SYNE1: variants seen among roughly 807,000 people sequenced by gnomAD.
SYNE1 encodes the protein spectrin repeat containing nuclear envelope protein 1, also known as nesprin-1.
Under a neutral mutation model 1,111.0 loss-of-function variants are expected in SYNE1, and 616 were observed. The ratio of observed to expected loss-of-function variants is 0.55; its 90% CI spans 0.52 to 0.59. SYNE1 has a LOEUF of 0.59. Ranked by LOEUF, SYNE1 falls within the 20% of genes least tolerant of loss-of-function variation. SYNE1 has a pLI of 0.00. For synonymous variants in SYNE1, 3,855 were observed against 3,825.8 expected (o/e 1.01, Z -0.28); for missense variants, 10,006 against 10,417.0 (o/e 0.96, Z 1.72).
intron 124 of SYNE1, among the ~76,000 whole-genome samples, chr6:152,209,037 G>A (rs1393012343): frequency 6.6e-6 from 1 of 152,118 alleles, no homozygotes; most frequent in Non-Finnish European, 1.5e-5. Context: ...TCTAGAACTG[G>A]CTAGTAAGAG....
chr6:152,510,657 C>T (rs1305001952), intron 7 of SYNE1, among the ~76,000 whole-genome samples: 5 of 152,150 alleles, frequency 3.3e-5, no homozygotes, highest in South Asian at 2.1e-4. Flanking sequence ...ATGGCAAGTT[C>T]ATTCCTCCCC....
intron 9 of SYNE1, among the ~76,000 whole-genome samples, chr6:152,504,890 T>C (rs2099049424): frequency 6.6e-6 from 1 of 152,202 alleles, no homozygotes; most frequent in African/African-American, 2.4e-5. Context: ...AATTATATTA[T>C]CCTGTCACCT....
intron 9 of SYNE1, among the ~76,000 whole-genome samples, chr6:152,503,229 C>T (rs1272214664): frequency 3.3e-5 from 5 of 152,118 alleles, no homozygotes; most frequent in African/African-American, 1.2e-4. Context: ...GACAAGCCCC[C>T]TCTCTGCCCC....
chr6:152,509,664 G>A (rs568683373), intron 8 of SYNE1, among the ~76,000 whole-genome samples: 2 of 151,920 alleles, frequency 1.3e-5, no homozygotes, highest in Non-Finnish European at 2.9e-5. Flanking sequence ...AGCTCACAAA[G>A]CTAGAGTTGA....
At chr6:152,456,100 A>G (rs1437437668) in intron 22 of SYNE1, 56 bp from the exon 23 acceptor site, 2 of 1,575,298 alleles carry the variant, frequency 1.3e-6, no homozygotes, top group Admixed American at 1.7e-5. Context: ...GTGAGAGAGA[A>G]AGAAAGAGAG....
intron 3 of SYNE1, among the ~76,000 whole-genome samples, chr6:152,561,224 T>C (rs2099394178): frequency 6.6e-6 from 1 of 152,148 alleles, no homozygotes; most frequent in Admixed American, 6.5e-5. Flanking sequence ...AGTTATAAGG[T>C]ACAAAATTAA....
chr6:152,540,071 G>T, intron 3 of SYNE1, 50 bp from the exon 4 acceptor site: 1 of 1,571,228 alleles, frequency 6.4e-7, no homozygotes. Context: ...TCATGAAGCT[G>T]TATAATGAGA....
Position 152,462,563 on chromosome 6 carries a change from T to C in SYNE1, c.2250+175A>G, listed in dbSNP as rs2098740693. 8 of 680,838 alleles carry C rather than the reference T, an allele frequency of 1.2e-5. No individual in the cohort carries two copies. In the South Asian group the frequency reaches 1.5e-4, roughly 13 times the overall value. The allele number at this position is 680,838 out of a possible 1,614,324, so 42.2% of individuals were successfully genotyped here. A position where few individuals can be genotyped will look rare whatever the true frequency, so the allele number is the denominator to read the frequency against. ...GAAGTTACTTTATATGATCAAGTCA[T>C]GTCTTTTTTATGTTCAATACATTTT... On this transcript the variant is annotated intron_variant, in intron 20 of 145. Coordinates refer to ENST00000367255, the MANE Select transcript of SYNE1 (RefSeq NM_182961.4).
Position 152,122,633 on chromosome 6 carries a change from G to A in SYNE1, c.26197C>T (p.Pro8733Ser), listed in dbSNP as rs1388872329. ...AGGAAGCCGCGGCCGGACCGACCTG[G>A]CCCTGGCTCAGAAAGGGAGGAATCG... ...GSDSSLSEPGPGRSGRGFLFR... is the reference protein window; with the variant it reads ...GSDSSLSEPGSGRSGRGFLFR... Residue 8733 changes from proline (P) to serine (S), a missense_variant, in exon 146 of 146, where the codon CCA becomes TCA. Transcript: ENST00000367255. The A allele has an allele frequency of 1.2e-6, 2 of 1,614,126 alleles. No individual in the cohort carries two copies. The highest frequency in any genetic ancestry group is 2.7e-5 in the African/African-American group (2 of 75,052).
intron 142 of SYNE1, chr6:152,134,586 C>T: frequency 6.0e-6 from 1 of 165,948 alleles, no homozygotes; most frequent in Admixed American, 6.1e-5. Context: ...GGAGAATTGG[C>T]AGGAGAATTG....
At chr6:152,414,283 T>G (rs1032980410) in intron 41 of SYNE1, among the ~76,000 whole-genome samples, 6 of 151,914 alleles carry the variant, frequency 3.9e-5, no homozygotes, top group African/African-American at 1.5e-4. Context: ...GTGGTACATG[T>G]GTATAGTCTC....
intron 121 of SYNE1, 72 bp from the exon 122 acceptor site, chr6:152,215,132 G>C: frequency 6.4e-7 from 1 of 1,556,866 alleles, no homozygotes; most frequent in Non-Finnish European, 8.8e-7. Flanking sequence ...AGTGCGCAGT[G>C]AATTTCTGAT....
chr6:152,440,847 T>C (rs562094498), intron 32 of SYNE1, among the ~76,000 whole-genome samples: 1 of 152,068 alleles, frequency 6.6e-6, no homozygotes, highest in African/African-American at 2.4e-5. Flanking sequence ...ATTACAGGAG[T>C]TGAGTCACAG....
chr6:152,140,094 G>C lies in SYNE1; in HGVS notation c.25314C>G (p.Asn8438Lys). 1 of 1,614,194 alleles carries C rather than the reference G, an allele frequency of 6.2e-7. No homozygotes were observed. The highest frequency in any genetic ancestry group is 1.3e-5 in the African/African-American group (1 of 75,044). ...ALSKELRMKQNLQKWQQFNSD... is the reference protein window; with the variant it reads ...ALSKELRMKQKLQKWQQFNSD... ...AGTTAAACTGCTGCCACTTCTGGAGGTTCTGCTTCATCCTCAACTCCTTGC... is the reference window on the plus strand; with the variant it reads ...AGTTAAACTGCTGCCACTTCTGGAGCTTCTGCTTCATCCTCAACTCCTTGC... The change falls in exon 140 of 146, where the codon AAC becomes AAG. Residue 8438 changes from asparagine (N) to lysine (K), a missense_variant. Asn to Lys is a moderately conservative substitution (Grantham distance 94). Around this residue, in one of 7 missense-constraint regions of SYNE1, gnomAD observed 761 missense variants for 795.5 expected, o/e 0.96. Transcript: ENST00000367255.
intron 13 of SYNE1, among the ~76,000 whole-genome samples, chr6:152,483,726 A>G (rs187661399): frequency 2.0e-5 from 3 of 152,244 alleles, no homozygotes; most frequent in African/African-American, 7.2e-5. Flanking sequence ...GCTCTGGACA[A>G]AGATGGGTTT....
chr6:152,624,407 C>CA (rs1252395898), intron 3 of SYNE1, among the ~76,000 whole-genome samples: 1 of 151,978 alleles, frequency 6.6e-6, no homozygotes, highest in South Asian at 2.1e-4. Flanking sequence ...TAAAAAATTA[C>CA]AAAAAAGCCT....
chr6:152,202,072 T>G (rs2153368839), intron 126 of SYNE1, 123 bp from the exon 127 acceptor site: 1 of 1,306,178 alleles, frequency 7.7e-7, no homozygotes, highest in East Asian at 2.5e-5. Flanking sequence ...GATGGCTGAG[T>G]GTGGTGGCTC....
chr6:152,302,933 A>T (rs2095248857), intron 91 of SYNE1, among the ~76,000 whole-genome samples: 1 of 152,124 alleles, frequency 6.6e-6, no homozygotes, highest in Non-Finnish European at 1.5e-5. Flanking sequence ...TTAAAAAGGT[A>T]ACTATAGATT....
intron 3 of SYNE1, among the ~76,000 whole-genome samples, chr6:152,584,750 A>G (rs2099531983): frequency 6.6e-6 from 1 of 152,180 alleles, no homozygotes; most frequent in South Asian, 2.1e-4. Context: ...CGTAATATTT[A>G]TATGTAACCC....
Sources: allele counts gnomAD v4.1 joint callset (sites outside exome capture counted in the v4.1 genomes callset), GRCh38; gene constraint gnomAD v4.1.1; regional missense constraint gnomAD v4.1.1; transcripts MANE v1.5; gene names NCBI Gene and HGNC (gene_info 2026-07-23, HGNC 2026-07-21).